Variants in PTPRG observed in about 807,000 individuals in gnomAD.
PTPRG encodes the protein receptor-type tyrosine-protein phosphatase gamma.
Under a neutral mutation model 165.3 loss-of-function variants are expected in PTPRG, and 102 were observed. The ratio of observed to expected loss-of-function variants is 0.62; its 90% CI spans 0.53 to 0.73. PTPRG has a LOEUF of 0.73. PTPRG is among the 30% of genes least tolerant of loss of function. The pLI, the probability that PTPRG is intolerant of heterozygous loss-of-function variation, is 0.00. For missense variants in PTPRG, 1,866 were observed against 1,861.4 expected, an observed-to-expected ratio of 1.00 and a Z score of -0.05; for synonymous variants, 675 against 669.5, an observed-to-expected ratio of 1.01 and a Z score of -0.13.
intron 4 of PTPRG, among the ~76,000 whole-genome samples, chr3:62,048,077 T>C (rs1245399123): frequency 1.3e-5 from 2 of 152,158 alleles, no homozygotes; most frequent in Non-Finnish European, 2.9e-5. Context: ...CAATTACCTC[T>C]GCAAGCTACC....
rs1230973861 is a variant in PTPRG, at chr3:62,237,529, C to T, written c.2375+6218C>T. ...AGCTGATACTGGCCGATGTGTTTCA[C>T]ATCCTGACTAAAAGATGTACTCTGC... On this transcript the variant is annotated intron_variant, in intron 14 of 29. Coordinates refer to ENST00000474889, the MANE Select transcript of PTPRG (RefSeq NM_002841.4). This position sits in a 1 kb window ranked among gnomAD's most constrained non-coding sequence, Gnocchi z 4.5. Among the ~76,000 whole-genome samples, 4 of 152,192 alleles carry T rather than the reference C, an allele frequency of 2.6e-5. No individual in the cohort carries two copies. Among genetic ancestry groups the T allele is most frequent in the Non-Finnish European group, 5.9e-5 (4 of 68,032 alleles).
At chr3:61,747,131 A>T (rs891031052) in intron 1 of PTPRG, among the ~76,000 whole-genome samples, 1 of 152,142 alleles carries the variant, frequency 6.6e-6, no homozygotes, top group Non-Finnish European at 1.5e-5. Flanking sequence ...TCAAAAAAAA[A>T]ACAAAACCAA....
intron 10 of PTPRG, among the ~76,000 whole-genome samples, chr3:62,200,682 A>T (rs2106832221): frequency 6.6e-6 from 1 of 152,348 alleles, no homozygotes; most frequent in African/African-American, 2.4e-5. Context: ...GAGCTACAGG[A>T]AGAAATAAAC....
At chr3:61,736,456 T>G (rs992058833) in intron 1 of PTPRG, among the ~76,000 whole-genome samples, 1 of 152,012 alleles carries the variant, frequency 6.6e-6, no homozygotes, top group Non-Finnish European at 1.5e-5. Flanking sequence ...TATTATCTTT[T>G]TTTTCCCCCA....
At chr3:61,895,840 T>C (rs1200193993) in intron 2 of PTPRG, among the ~76,000 whole-genome samples, 1 of 152,250 alleles carries the variant, frequency 6.6e-6, no homozygotes, top group Non-Finnish European at 1.5e-5. Context: ...GTAATTTCTC[T>C]CTTCTGGCTA....
intron 10 of PTPRG, among the ~76,000 whole-genome samples, chr3:62,200,419 C>T (rs1700071500): frequency 6.6e-6 from 1 of 151,884 alleles, no homozygotes; most frequent in Admixed American, 6.6e-5. Context: ...TGCAGGCGTT[C>T]ACCACCACAC....
At chr3:61,673,027 T>C (rs1416649626) in intron 1 of PTPRG, among the ~76,000 whole-genome samples, 3 of 151,960 alleles carry the variant, frequency 2.0e-5, no homozygotes, top group African/African-American at 7.3e-5. Flanking sequence ...GGTGTGGTGG[T>C]GCGTGCCCGT....
At chr3:61,660,099 C>T (rs944648575) in intron 1 of PTPRG, among the ~76,000 whole-genome samples, 8 of 152,068 alleles carry the variant, frequency 5.3e-5, no homozygotes, top group African/African-American at 1.9e-4. Flanking sequence ...GTGGTTTGTG[C>T]CTGTAGTCCC....
intron 2 of PTPRG, among the ~76,000 whole-genome samples, chr3:61,841,598 C>A (rs1398581928): frequency 6.6e-6 from 1 of 151,842 alleles, no homozygotes; most frequent in African/African-American, 2.4e-5. Context: ...CCCACCTTAC[C>A]CCTCTGCCCT....
chr3:61,651,204 A>G (rs1220610763), intron 1 of PTPRG, among the ~76,000 whole-genome samples: 2 of 152,078 alleles, frequency 1.3e-5, no homozygotes, highest in Admixed American at 6.6e-5. Flanking sequence ...CTGTAAGATA[A>G]AAATCCCAAA....
intron 2 of PTPRG, among the ~76,000 whole-genome samples, chr3:61,820,462 C>A (rs2035917387): frequency 6.6e-6 from 1 of 152,108 alleles, no homozygotes; most frequent in African/African-American, 2.4e-5. Flanking sequence ...TCTATTGAAT[C>A]CTAAACACCC....
intron 1 of PTPRG, among the ~76,000 whole-genome samples, chr3:61,706,358 A>G (rs867279203): frequency 6.6e-6 from 1 of 152,180 alleles, no homozygotes; most frequent in Non-Finnish European, 1.5e-5. Flanking sequence ...GTGAGATAAT[A>G]TCTGTAAAGG....
intron 2 of PTPRG, among the ~76,000 whole-genome samples, chr3:61,895,647 C>T (rs1003142847): frequency 3.3e-5 from 5 of 152,134 alleles, no homozygotes; most frequent in African/African-American, 4.8e-5. Flanking sequence ...TTTTGTGTTT[C>T]GAAATATGTT....
chr3:61,915,974 G>C (rs1407229657), intron 2 of PTPRG, among the ~76,000 whole-genome samples: 1 of 152,194 alleles, frequency 6.6e-6, no homozygotes, highest in Admixed American at 6.5e-5. Flanking sequence ...GGGTCACTTT[G>C]CACAGATGAG....
intron 1 of PTPRG, among the ~76,000 whole-genome samples, chr3:61,689,602 T>C (rs1394616757): frequency 6.6e-6 from 1 of 152,220 alleles, no homozygotes; most frequent in South Asian, 2.1e-4. Flanking sequence ...CCTTGGAAAT[T>C]GAGGCACTGA....
chr3:61,593,242 A>G (rs569727860), intron 1 of PTPRG, among the ~76,000 whole-genome samples: 2 of 152,162 alleles, frequency 1.3e-5, no homozygotes, highest in South Asian at 4.2e-4. Flanking sequence ...CACACTGGGC[A>G]CCTCCATCTC....
chr3:61,911,307 C>A (rs998826094), intron 2 of PTPRG, among the ~76,000 whole-genome samples: 2 of 152,114 alleles, frequency 1.3e-5, no homozygotes, highest in Admixed American at 1.3e-4. Flanking sequence ...AGTGTCTGGC[C>A]AGGCACCAGA....
At chr3:61,973,865 T>G (rs2040439879) in intron 2 of PTPRG, among the ~76,000 whole-genome samples, 1 of 151,842 alleles carries the variant, frequency 6.6e-6, no homozygotes, top group African/African-American at 2.4e-5. Flanking sequence ...AATAAAAGAT[T>G]GGTTTCTTCT....
chr3:62,143,250 C>G (rs1703995453), intron 6 of PTPRG, among the ~76,000 whole-genome samples: 1 of 152,162 alleles, frequency 6.6e-6, no homozygotes, highest in Non-Finnish European at 1.5e-5. Context: ...CCATCTGAGG[C>G]CAAATGGCTG....
Sources: gnomAD v4.1 joint callset for allele counts (sites outside exome capture counted in the v4.1 genomes callset) on GRCh38, gnomAD v4.1.1 for gene constraint, Gnocchi (gnomAD v3.1) non-coding constraint, MANE v1.5 for transcripts, NCBI Gene and HGNC (gene_info 2026-07-23, HGNC 2026-07-21) for gene names.